The following DLGAP1 variants were observed in gnomAD, a reference collection of about 807,000 sequenced individuals.
DLGAP1 encodes disks large-associated protein 1.
A neutral mutation model predicts 90.8 loss-of-function variants in DLGAP1; 11 were observed. The ratio of observed to expected loss-of-function variants is 0.12; its 90% CI spans 0.08 to 0.20. DLGAP1 has a LOEUF of 0.20. Among genes scored for constraint, DLGAP1 ranks in the 10% least tolerant of loss-of-function variants. The pLI is 1.00. For missense variants in DLGAP1, 1,050 were observed against 1,333.8 expected (o/e 0.79, Z 3.31); for synonymous variants, 558 against 540.7 (o/e 1.03, Z -0.44).
chr18:4,171,722 C>T (rs1304812181), intron 1 of DLGAP1, among the ~76,000 whole-genome samples: 1 of 152,028 alleles, frequency 6.6e-6, no homozygotes, highest in Non-Finnish European at 1.5e-5. Flanking sequence ...ACTCATAAAC[C>T]TAGCTTTCAG....
intron 1 of DLGAP1, among the ~76,000 whole-genome samples, chr18:4,338,612 T>C (rs4798219): frequency 0.48 from 73,317 of 151,886 alleles, 18,714 homozygotes; most frequent in Non-Finnish European, 0.56. Context: ...TCTCTAGGAG[T>C]TCACGATGAA....
At chr18:3,864,428 T>C (rs1224826163) in intron 4 of DLGAP1, among the ~76,000 whole-genome samples, 1 of 152,206 alleles carries the variant, frequency 6.6e-6, no homozygotes, top group African/African-American at 2.4e-5. Context: ...TTATAAAACA[T>C]TGAACCAAAA....
chr18:4,252,238 GA>G (rs2078794451), intron 1 of DLGAP1, among the ~76,000 whole-genome samples: 1 of 152,192 alleles, frequency 6.6e-6, no homozygotes, highest in South Asian at 2.1e-4. Context: ...GTATTCTATG[GA>G]ATTTTGGGCT....
At chr18:3,939,148 G>C (rs1295925011) in intron 3 of DLGAP1, among the ~76,000 whole-genome samples, 1 of 141,040 alleles carries the variant, frequency 7.1e-6, no homozygotes, top group Non-Finnish European at 1.5e-5. Context: ...GGCTTAGGTG[G>C]GTGGTGGCTC....
chr18:4,021,063 C>T (rs1240518463), intron 2 of DLGAP1, among the ~76,000 whole-genome samples: 6 of 152,140 alleles, frequency 3.9e-5, no homozygotes, highest in Admixed American at 3.9e-4. Context: ...ATCAGCACTC[C>T]CCACTTCCTG....
chr18:4,194,863 C>T (rs764236997), intron 1 of DLGAP1, among the ~76,000 whole-genome samples: 1 of 152,058 alleles, frequency 6.6e-6, no homozygotes. Flanking sequence ...ATGTATACAA[C>T]GTGGAATGAT....
At chr18:3,971,502 G>A (rs1373358279) in intron 3 of DLGAP1, among the ~76,000 whole-genome samples, 1 of 152,142 alleles carries the variant, frequency 6.6e-6, no homozygotes, top group African/African-American at 2.4e-5. Context: ...TTGTAAATAA[G>A]TCCAATGTAT....
At chr18:3,615,608 G>C (rs1424244399) in intron 7 of DLGAP1, among the ~76,000 whole-genome samples, 1 of 152,136 alleles carries the variant, frequency 6.6e-6, no homozygotes, top group Admixed American at 6.5e-5. Flanking sequence ...GGAGATGGGG[G>C]AGGCCAAGAA....
intron 4 of DLGAP1, chr18:3,845,271 A>T (rs749993458): frequency 6.2e-7 from 1 of 1,612,892 alleles, no homozygotes; most frequent in South Asian, 1.1e-5. Context: ...CTTTATGGAA[A>T]ATTAAGTTCA....
chr18:3,955,606 C>T (rs1451077478), intron 3 of DLGAP1, among the ~76,000 whole-genome samples: 4 of 151,694 alleles, frequency 2.6e-5, no homozygotes, highest in Admixed American at 6.6e-5. Context: ...ACCAGCTACT[C>T]GGGAGGCTGA....
At chr18:4,081,822 T>C (rs1029518676) in intron 2 of DLGAP1, among the ~76,000 whole-genome samples, 1 of 152,212 alleles carries the variant, frequency 6.6e-6, no homozygotes, top group African/African-American at 2.4e-5. Context: ...CAGGCCATTG[T>C]ATATTCTTCA....
rs553442210 is a variant in DLGAP1 at position 4,449,722 on chromosome 18, A to G, written c.-267+5284T>C. ...AAGTCAACACATCATTATTGACCGT[A>G]AAAGGACCATGAAAAAGGAATAAAG... On this transcript the variant is annotated intron_variant, in intron 1 of 12. Coordinates refer to ENST00000315677, the MANE Select transcript of DLGAP1 (RefSeq NM_004746.4). 2.0e-5 allele frequency among the ~76,000 whole-genome samples: 3 copies of G among 152,320 alleles called. No homozygotes were observed. In the East Asian group the frequency reaches 5.8e-4, roughly 29 times the overall value.
At chr18:3,772,172 C>CCATCCTTT (rs1555662580) in intron 5 of DLGAP1, among the ~76,000 whole-genome samples, 4 of 145,316 alleles carry the variant, frequency 2.8e-5, no homozygotes, top group African/African-American at 1.0e-4. Context: ...TTCTCTCCTT[C>CCATCCTTT]CTTTCTCTCC....
chr18:4,058,822 C>T (rs191262330), intron 2 of DLGAP1, among the ~76,000 whole-genome samples: 1 of 152,190 alleles, frequency 6.6e-6, no homozygotes, highest in Non-Finnish European at 1.5e-5. Flanking sequence ...CTTGCAGCAG[C>T]TAGCTGCAAA....
chr18:3,576,641 T>C lies in DLGAP1; in HGVS notation c.1965+5234A>G, dbSNP rs796454911. On this transcript the variant is annotated intron_variant, in intron 8 of 12. Coordinates refer to ENST00000315677, the MANE Select transcript of DLGAP1 (RefSeq NM_004746.4). ...GTGCAATGGCGCGATCTTGGCTCAC[T>C]GCAACCTTCGCCTCCCAGGTTCAAA... is the stretch of plus-strand genomic sequence containing the variant. 2.7e-4 allele frequency among the ~76,000 whole-genome samples: 41 copies of C among 151,210 alleles called. 1 individual carries two copies. The highest frequency in any genetic ancestry group is 9.7e-4 in the African/African-American group (40 of 41,080).
intron 5 of DLGAP1, among the ~76,000 whole-genome samples, chr18:3,809,733 T>C (rs2066736669): frequency 6.6e-6 from 1 of 152,230 alleles, no homozygotes; most frequent in Non-Finnish European, 1.5e-5. Context: ...TTAACAGATA[T>C]TTGAATTTAA....
intron 5 of DLGAP1, among the ~76,000 whole-genome samples, chr18:3,807,883 A>G (rs2066642018): frequency 6.6e-6 from 1 of 152,198 alleles, no homozygotes; most frequent in Non-Finnish European, 1.5e-5. Flanking sequence ...TGATCATTGT[A>G]GAGACTTTTC....
chr18:3,740,385 C>A (rs970903858), intron 6 of DLGAP1, among the ~76,000 whole-genome samples: 3 of 152,134 alleles, frequency 2.0e-5, no homozygotes, highest in African/African-American at 7.2e-5. Context: ...CAGTAACCAG[C>A]ACGAATAGGT....
intron 1 of DLGAP1, among the ~76,000 whole-genome samples, chr18:4,169,077 T>C (rs1352921756): frequency 6.6e-6 from 1 of 152,214 alleles, no homozygotes; most frequent in Admixed American, 6.5e-5. Context: ...AGAGTGCAAT[T>C]GCTGGATCAT....
Sources: gnomAD v4.1 joint callset for allele counts (sites outside exome capture counted in the v4.1 genomes callset) on GRCh38, gnomAD v4.1.1 for gene constraint, MANE v1.5 for transcripts, NCBI Gene and HGNC (gene_info 2026-07-23, HGNC 2026-07-21) for gene names.